DOCK3: variants seen among roughly 807,000 people sequenced by gnomAD.
DOCK3 encodes dedicator of cytokinesis 3.
Under a neutral mutation model 265.6 loss-of-function variants are expected in DOCK3, and 60 were observed. The ratio of observed to expected loss-of-function variants is 0.23; its 90% CI spans 0.18 to 0.28. The LOEUF is 0.28. DOCK3 is among the 10% of genes least tolerant of loss of function. DOCK3 has a pLI of 1.00. For missense variants in DOCK3, 1,981 were observed against 2,594.3 expected (o/e 0.76, Z 5.14); for synonymous variants, 881 against 938.0 (o/e 0.94, Z 1.11).
chr3:51,296,170 A>G (rs1161520383), intron 27 of DOCK3, among the ~76,000 whole-genome samples: 2 of 152,228 alleles, frequency 1.3e-5, no homozygotes, highest in Non-Finnish European at 2.9e-5. Context: ...CTATAGTTCT[A>G]TACACCAGCA....
chr3:50,903,185 A>G (rs935750727), intron 4 of DOCK3, among the ~76,000 whole-genome samples: 1 of 152,210 alleles, frequency 6.6e-6, no homozygotes, highest in Non-Finnish European at 1.5e-5. Flanking sequence ...TGCCCTGACC[A>G]GAACTTCCAA....
At chr3:50,769,020 T>C (rs2041098206) in intron 1 of DOCK3, among the ~76,000 whole-genome samples, 1 of 152,188 alleles carries the variant, frequency 6.6e-6, no homozygotes, top group African/African-American at 2.4e-5. Context: ...GAGCATTTTT[T>C]CATATACCTG....
chr3:51,303,960 T>TG (rs1323365973), intron 27 of DOCK3, among the ~76,000 whole-genome samples: 1 of 152,180 alleles, frequency 6.6e-6, no homozygotes, highest in East Asian at 1.9e-4. Flanking sequence ...TGTGCTGTGC[T>TG]GGGGGGAATC....
chr3:51,149,517 A>G (rs1230316752), intron 10 of DOCK3, among the ~76,000 whole-genome samples: 1 of 152,178 alleles, frequency 6.6e-6, no homozygotes, highest in Non-Finnish European at 1.5e-5. Context: ...ACGTTCCATC[A>G]ATACCTAGTT....
chr3:51,011,195 G>T (rs1012734624), intron 5 of DOCK3, among the ~76,000 whole-genome samples: 1 of 152,142 alleles, frequency 6.6e-6, no homozygotes, highest in Non-Finnish European at 1.5e-5. Context: ...AGTTCTCCTG[G>T]ATAATATCCT....
chr3:51,021,067 C>G (rs1195367907), intron 5 of DOCK3, among the ~76,000 whole-genome samples: 1 of 151,934 alleles, frequency 6.6e-6, no homozygotes, highest in East Asian at 1.9e-4. Context: ...GGCAGTATGG[C>G]CATTTTCACG....
chr3:51,279,364 A>G (rs2080993107), intron 26 of DOCK3, among the ~76,000 whole-genome samples: 2 of 152,178 alleles, frequency 1.3e-5, no homozygotes, highest in South Asian at 4.1e-4. Context: ...CAAGTGAAGT[A>G]AATGTTCTCC....
intron 2 of DOCK3, 37 bp downstream of exon 2, chr3:50,778,795 AT>A: frequency 6.9e-7 from 1 of 1,440,676 alleles, no homozygotes; most frequent in Non-Finnish European, 9.5e-7. Context: ...AATTGTGATC[AT>A]TTTTGGCAGT....
At chr3:51,267,696 G>A (rs541585919) in intron 23 of DOCK3, among the ~76,000 whole-genome samples, 12 of 152,148 alleles carry the variant, frequency 7.9e-5, no homozygotes, top group Admixed American at 2.0e-4. Flanking sequence ...ACACACATAC[G>A]TTTATTGCAG....
chr3:50,910,253 G>T (rs958309293), intron 4 of DOCK3, among the ~76,000 whole-genome samples: 2 of 152,050 alleles, frequency 1.3e-5, no homozygotes, highest in African/African-American at 4.8e-5. Flanking sequence ...GACCAGTTCT[G>T]TGCTCTTGCT....
intron 5 of DOCK3, among the ~76,000 whole-genome samples, chr3:51,016,451 GATATATATATCATATATTTCTACATA>G (rs1575773859): frequency 1.7e-4 from 11 of 66,268 alleles, no homozygotes; most frequent in Admixed American, 2.3e-4. Flanking sequence ...TTCTACATAT[GATATATATATCATATATTTCTACATA>G]ATATATATAT....
At chr3:50,877,306 A>T in intron 3 of DOCK3, 1 of 378,784 alleles carries the variant, frequency 2.6e-6, no homozygotes. Flanking sequence ...CCTTTTTCTA[A>T]TGTTGTGCAA....
chr3:50,990,131 A>T (rs193293745), intron 5 of DOCK3, among the ~76,000 whole-genome samples: 4 of 151,598 alleles, frequency 2.6e-5, no homozygotes, highest in East Asian at 2.0e-4. Flanking sequence ...AATGAACAAA[A>T]CCCCCCAAAA....
chr3:51,280,372 A>G (rs374666853), intron 27 of DOCK3, among the ~76,000 whole-genome samples, 168 bp downstream of exon 27: 3 of 152,170 alleles, frequency 2.0e-5, no homozygotes, highest in Admixed American at 6.5e-5. Context: ...GCTGAAAGCC[A>G]GCAGTGTCCC....
intron 4 of DOCK3, among the ~76,000 whole-genome samples, chr3:50,925,824 C>CTTTTTTT (rs368819970): frequency 1.1e-4 from 10 of 88,426 alleles, no homozygotes; most frequent in African/African-American, 3.1e-4. Flanking sequence ...TAAAACTAGT[C>CTTTTTTT]TTTTTTTTTT....
intron 5 of DOCK3, among the ~76,000 whole-genome samples, chr3:51,000,752 A>G (rs1427687838): frequency 1.3e-5 from 2 of 152,092 alleles, no homozygotes; most frequent in Admixed American, 1.3e-4. Context: ...TCCTGGGTTC[A>G]AGCGATTCTC....
intron 2 of DOCK3, among the ~76,000 whole-genome samples, chr3:50,831,527 G>C (rs1319213663): frequency 6.6e-6 from 1 of 152,102 alleles, no homozygotes; most frequent in Non-Finnish European, 1.5e-5. Context: ...ATGGTTTCCA[G>C]CTTCATCTGT....
At chr3:50,895,062 GA>G (rs1191073512) in intron 4 of DOCK3, among the ~76,000 whole-genome samples, 1 of 151,952 alleles carries the variant, frequency 6.6e-6, no homozygotes, top group Non-Finnish European at 1.5e-5. Context: ...TCAATTAAAG[GA>G]CATTTTAATG....
intron 23 of DOCK3, among the ~76,000 whole-genome samples, chr3:51,261,426 G>A (rs147321379): frequency 0.019 from 2,850 of 152,300 alleles, 29 homozygotes; most frequent in Middle Eastern, 0.034. Context: ...TGCAGACCAG[G>A]AGATTCCCTC....
Sources: allele counts gnomAD v4.1 joint callset (sites outside exome capture counted in the v4.1 genomes callset), GRCh38; gene constraint gnomAD v4.1.1; transcripts MANE v1.5; gene names NCBI Gene and HGNC (gene_info 2026-07-23, HGNC 2026-07-21).